The following SRPRA variants were observed in gnomAD, a reference collection of about 807,000 sequenced individuals.
SRPRA encodes signal recognition particle receptor subunit alpha.
SRPRA carries 30 observed loss-of-function variants against 61.1 expected under a neutral mutation model. The ratio of observed to expected loss-of-function variants is 0.49; its 90% CI spans 0.37 to 0.67. The LOEUF (loss-of-function observed/expected upper bound fraction) is 0.67, where lower values mean the gene tolerates loss of function less well. Ranked by LOEUF, SRPRA falls within the 30% of genes least tolerant of loss-of-function variation. The pLI is 0.00. For synonymous variants in SRPRA, 324 were observed against 299.7 expected (o/e 1.08, Z -0.84); for missense variants, 759 against 828.4 (o/e 0.92, Z 1.03).
the SRPRA span, chr11:126,250,577 G>T: frequency 3.1e-6 from 5 of 1,614,168 alleles, no homozygotes; most frequent in Non-Finnish European, 4.2e-6. The surrounding 1 kb of genome is among the most constrained non-coding windows in gnomAD (Gnocchi z 5.1). Flanking sequence ...TGGAGTCAAA[G>T]ATGGAAGATT....
downstream of SRPRA, chr11:126,262,522 A>C (rs1342643363): frequency 1.8e-5 from 4 of 227,220 alleles, no homozygotes; most frequent in Non-Finnish European, 3.4e-5. Flanking sequence ...TTTGTACTCT[A>C]TACTTGGTTT....
the SRPRA span, among the ~76,000 whole-genome samples, chr11:126,243,447 G>A: frequency 2.7e-5 from 4 of 150,424 alleles, no homozygotes; most frequent in African/African-American, 9.8e-5. Context: ...CTCGGTGACA[G>A]AGCAAGACCC....
At position 126,266,810 on chromosome 11, in the gene SRPRA, C is replaced by T. The variant is rs1318982774; in HGVS notation, c.639G>A (p.Lys213=). The part of the protein sequence containing the change: ...ELSKEELIRR[K]REEFIQKHGR... ...CATGCTTCTGAATGAACTCCTCGCG[C>T]TTCCTGCGGATCAGCTCCTCTTTGG... Residue 213 remains lysine, a synonymous_variant, in exon 5 of 14, where the codon AAG becomes AAA. Transcript: ENST00000332118. 1 of 1,614,190 alleles carries T rather than the reference C, an allele frequency of 6.2e-7. No homozygotes were observed. Among genetic ancestry groups the T allele is most frequent in the East Asian group, 2.2e-5 (1 of 44,890 alleles).
chr11:126,259,490 A>G (rs1468401932), downstream of SRPRA, among the ~76,000 whole-genome samples: 4 of 150,646 alleles, frequency 2.7e-5, no homozygotes, highest in Non-Finnish European at 5.9e-5. Context: ...CAGTGGCACA[A>G]TCTCGGCTCA....
At chr11:126,247,614 CTT>C in the SRPRA span, among the ~76,000 whole-genome samples, 1 of 152,054 alleles carries the variant, frequency 6.6e-6, no homozygotes, top group South Asian at 2.1e-4. Context: ...AATCCCAACA[CTT>C]TGGGAGGCCG....
chr11:126,255,337 G>C, the SRPRA span, among the ~76,000 whole-genome samples: 3 of 152,068 alleles, frequency 2.0e-5, no homozygotes, highest in African/African-American at 7.3e-5. This position sits in a 1 kb window ranked among gnomAD's most constrained non-coding sequence, Gnocchi z 4.6. Context: ...TTAATAATGA[G>C]GCAAAAGACC....
At chr11:126,253,743 A>G in the SRPRA span, among the ~76,000 whole-genome samples, 3 of 152,172 alleles carry the variant, frequency 2.0e-5, no homozygotes, top group Admixed American at 1.3e-4. The surrounding 1 kb of genome is among the most constrained non-coding windows in gnomAD (Gnocchi z 5.1). Context: ...CCTGCAAGCA[A>G]TTGGCCAGGC....
rs574556965 is a variant in SRPRA at position 126,268,865 on chromosome 11, T to C, written c.-61A>G. 2.2e-6 allele frequency: 3 copies of C among 1,392,960 alleles called. No individual in the cohort carries two copies. Among genetic ancestry groups the C allele is most frequent in the South Asian group, 1.2e-5 (1 of 85,570 alleles). 86.3% of individuals were successfully genotyped at this position (1,392,960 alleles called of 1,614,324 possible). A position where few individuals can be genotyped will look rare whatever the true frequency, so the allele number is the denominator to read the frequency against. On this transcript the variant is annotated 5_prime_UTR_variant, in exon 1 of 14. Coordinates refer to ENST00000332118, the MANE Select transcript of SRPRA (RefSeq NM_003139.4). ...GAATTCAGGCCGCGTTCGCCGCCGCTTCCTGCTGCGCCAAGCGCGGGACAC... is the reference window on the plus strand; with the variant it reads ...GAATTCAGGCCGCGTTCGCCGCCGCCTCCTGCTGCGCCAAGCGCGGGACAC...
rs535580473 is a variant in SRPRA at position 126,267,108 on chromosome 11, C to G, written c.526+67G>C. Reference sequence around the variant, plus strand: ...GGTAAGCAATGACAAAAGGAAGGACCACCTCAGTCCTTAGCACCGTGTTAA... The same window carrying G: ...GGTAAGCAATGACAAAAGGAAGGACGACCTCAGTCCTTAGCACCGTGTTAA... On this transcript the variant is annotated intron_variant, in intron 4 of 13. Transcript: ENST00000332118. The surrounding 1 kb of genome is among the most constrained non-coding windows in gnomAD (Gnocchi z 4.2). The G allele has an allele frequency of 2.7e-5, 42 of 1,575,282 alleles. No homozygotes were observed. The African/African-American group carries it at 5.6e-4, about 21-fold the overall frequency.
the SRPRA span, among the ~76,000 whole-genome samples, chr11:126,254,927 C>G: frequency 2.0e-5 from 3 of 152,134 alleles, no homozygotes; most frequent in Non-Finnish European, 4.4e-5. Flanking sequence ...CTTAAGGTGT[C>G]AAACCCTATG....
At position 126,266,762 on chromosome 11, in the gene SRPRA, C is replaced by G. The variant is rs113953932; in HGVS notation, c.686+1G>C. 1.2e-6 allele frequency: 2 copies of G among 1,613,952 alleles called. No individual in the cohort carries two copies. The highest frequency in any genetic ancestry group is 1.7e-6 in the Non-Finnish European group (2 of 1,179,916). On this transcript the variant is annotated splice_donor_variant, in intron 5 of 13. Coordinates refer to ENST00000332118, the MANE Select transcript of SRPRA (RefSeq NM_003139.4). LOFTEE classifies it high-confidence loss of function. The stretch of plus-strand genomic sequence containing the variant: ...GAGAGTACTGGAGAAAGAGTGCTCA[C>G]TTGGACTTCTCCATACCCCTCCCAT...
At position 126,266,611 on chromosome 11, in the gene SRPRA, ATC is replaced by A; in HGVS notation, c.703_704del (p.Asp235CysfsTer20). On this transcript the variant is annotated frameshift_variant, in exon 6 of 14. Transcript: ENST00000332118. LOFTEE classifies it high-confidence loss of function. ...MEKSNKSTKS[D>X]APKEKGKKAP... ...CTTTTTTGCCCTTCTCCTTTGGAGC[ATC>A]TGACTTCGTGGACTTGCTGCAACAG... The A allele has an allele frequency of 6.2e-7, 1 of 1,614,004 alleles. No individual in the cohort carries two copies. The highest frequency in any genetic ancestry group is 8.5e-7 in the Non-Finnish European group (1 of 1,179,942).
the SRPRA span, among the ~76,000 whole-genome samples, chr11:126,237,626 G>T: frequency 7.1e-6 from 1 of 141,092 alleles, no homozygotes; most frequent in African/African-American, 2.6e-5. Flanking sequence ...CGTGAGGTCA[G>T]GAGATCGAGA....
the SRPRA span, among the ~76,000 whole-genome samples, chr11:126,250,926 T>C: frequency 6.6e-6 from 1 of 152,226 alleles, no homozygotes; most frequent in African/African-American, 2.4e-5. The surrounding 1 kb of genome is among the most constrained non-coding windows in gnomAD (Gnocchi z 5.1). Context: ...TGCATAGAAC[T>C]TAAAAGTGTT....
chr11:126,256,011 C>T, the SRPRA span, among the ~76,000 whole-genome samples: 2 of 152,140 alleles, frequency 1.3e-5, no homozygotes, highest in African/African-American at 4.8e-5. This position sits in a 1 kb window ranked among gnomAD's most constrained non-coding sequence, Gnocchi z 6.6. Context: ...TGGCTCACGC[C>T]TGTAATCCCA....
At chr11:126,256,785 T>A in the SRPRA span, 1 of 1,614,046 alleles carries the variant, frequency 6.2e-7, no homozygotes, top group Non-Finnish European at 8.5e-7. This position sits in a 1 kb window ranked among gnomAD's most constrained non-coding sequence, Gnocchi z 6.6. Flanking sequence ...CCTATGGAGA[T>A]GACTATGCCG....
At chr11:126,256,422 C>T in the SRPRA span, 1 of 653,648 alleles carries the variant, frequency 1.5e-6, no homozygotes, top group Non-Finnish European at 2.6e-6. This position sits in a 1 kb window ranked among gnomAD's most constrained non-coding sequence, Gnocchi z 6.6. Context: ...AGCAAGAGAT[C>T]ACACTCCTTG....
At chr11:126,268,480 A>G (rs1240647405) in intron 1 of SRPRA, among the ~76,000 whole-genome samples, 1 of 151,764 alleles carries the variant, frequency 6.6e-6, no homozygotes, top group African/African-American at 2.4e-5. Context: ...GAATTCGGCT[A>G]GAGTTGAGAC....
the SRPRA span, chr11:126,240,658 G>C: frequency 1.3e-6 from 1 of 790,302 alleles, no homozygotes; most frequent in Non-Finnish European, 2.0e-6. Flanking sequence ...CTTTGGAAAG[G>C]TGTCAAAAAC....
Sources: allele counts gnomAD v4.1 joint callset (sites outside exome capture counted in the v4.1 genomes callset), GRCh38; gene constraint gnomAD v4.1.1; non-coding constraint Gnocchi (gnomAD v3.1); transcripts MANE v1.5; gene names NCBI Gene and HGNC (gene_info 2026-07-23, HGNC 2026-07-21).